FRMD4B: variants seen among roughly 807,000 people sequenced by gnomAD.
The protein encoded by FRMD4B is FERM domain-containing protein 4B.
A neutral mutation model predicts 141.5 loss-of-function variants in FRMD4B; 74 were observed. That is an observed-to-expected ratio of 0.52 (90% CI 0.43 to 0.63). The LOEUF (loss-of-function observed/expected upper bound fraction) is 0.63, where lower values mean the gene tolerates loss of function less well. Among genes scored for constraint, FRMD4B ranks in the 30% least tolerant of loss-of-function variants. The pLI, the probability that FRMD4B is intolerant of heterozygous loss-of-function variation, is 0.00. For missense variants in FRMD4B, 1,366 were observed against 1,253.4 expected (o/e 1.09, Z -1.36); for synonymous variants, 506 against 467.9 (o/e 1.08, Z -1.05).
At chr3:69,373,982 A>C (rs992677868) in intron 1 of FRMD4B, among the ~76,000 whole-genome samples, 3 of 152,210 alleles carry the variant, frequency 2.0e-5, no homozygotes, top group Non-Finnish European at 4.4e-5. Flanking sequence ...GTAGGTAGGC[A>C]CTATTATTTC....
At chr3:69,330,685 C>A (rs1420821548) in intron 1 of FRMD4B, among the ~76,000 whole-genome samples, 6 of 151,416 alleles carry the variant, frequency 4.0e-5, no homozygotes, top group Non-Finnish European at 8.8e-5. Context: ...ATAATAGAGA[C>A]AGGGTCTCAC....
At position 69,458,130 on chromosome 3, in the gene FRMD4B, A is replaced by T. The variant is rs1352253823; in HGVS notation, c.-128-25369T>A. On this transcript the variant is annotated intron_variant, in intron 1 of 5. Transcript: ENST00000459638. ...TCTGCTTTGGAGGAACTCACACTAA[A>T]AGAGTTTGTAAGCAAATGGCAAATT... Among the ~76,000 whole-genome samples, 14 of 152,312 alleles carry T rather than the reference A, an allele frequency of 9.2e-5. 1 individual carries two copies. The South Asian group carries it at 2.9e-3, about 32-fold the overall frequency.
At chr3:69,262,976 A>G (rs1483777824) in intron 5 of FRMD4B, among the ~76,000 whole-genome samples, 1 of 152,008 alleles carries the variant, frequency 6.6e-6, no homozygotes, top group Non-Finnish European at 1.5e-5. Context: ...AAGCAATTGT[A>G]GGCTGGGCAC....
At chr3:69,314,677 A>C in intron 1 of FRMD4B, among the ~76,000 whole-genome samples, 1 of 151,978 alleles carries the variant, frequency 6.6e-6, no homozygotes, top group East Asian at 1.9e-4. Context: ...TCTACAAAAA[A>C]TACAAAAATT....
intron 1 of FRMD4B, among the ~76,000 whole-genome samples, chr3:69,368,179 G>A (rs1043337998): frequency 3.9e-5 from 6 of 152,080 alleles, no homozygotes; most frequent in South Asian, 2.1e-4. Context: ...ACAACATCAC[G>A]AGATATCATG....
intron 1 of FRMD4B, among the ~76,000 whole-genome samples, chr3:69,503,460 T>C (rs1706536507): frequency 7.0e-6 from 1 of 142,176 alleles, no homozygotes; most frequent in African/African-American, 2.7e-5. Context: ...CTGCATGTTC[T>C]CACTGATAGG....
intron 5 of FRMD4B, among the ~76,000 whole-genome samples, chr3:69,264,805 G>C (rs1190532344): frequency 1.3e-5 from 2 of 152,146 alleles, no homozygotes; most frequent in African/African-American, 4.8e-5. Context: ...ATTTTTGTGG[G>C]TGTGTATCAC....
intron 7 of FRMD4B, among the ~76,000 whole-genome samples, chr3:69,233,279 C>G (rs1349966413): frequency 6.6e-6 from 1 of 151,838 alleles, no homozygotes; most frequent in Admixed American, 6.6e-5. Context: ...CCCAGGAGTT[C>G]GAGACCAGCC....
At position 69,296,569 on chromosome 3, in the gene FRMD4B, C is replaced by T. The variant is rs1215080404; in HGVS notation, c.416+5774G>A. Reference sequence around the variant, plus strand: ...ATTACCCATGGTCTGGGGTATTGTGCATTCAGATGCGAGTGTGACAGATGG... The same window carrying T: ...ATTACCCATGGTCTGGGGTATTGTGTATTCAGATGCGAGTGTGACAGATGG... On this transcript the variant is annotated intron_variant, in intron 4 of 22. Transcript: ENST00000398540. Among the ~76,000 whole-genome samples the T allele has an allele frequency of 3.9e-5, 6 of 152,130 alleles. No homozygotes were observed. In the East Asian group the frequency reaches 9.6e-4, roughly 24 times the overall value.
chr3:69,445,652 T>C (rs945456200), intron 1 of FRMD4B, among the ~76,000 whole-genome samples: 1 of 152,150 alleles, frequency 6.6e-6, no homozygotes, highest in Non-Finnish European at 1.5e-5. Flanking sequence ...TTTCCCACCT[T>C]ACTGGGTCAA....
At chr3:69,409,748 G>A (rs4401365) in intron 2 of FRMD4B, among the ~76,000 whole-genome samples, 1 of 151,736 alleles carries the variant, frequency 6.6e-6, no homozygotes, top group Non-Finnish European at 1.5e-5. Context: ...TCTCTTCTCT[G>A]CATATAGAAA....
chr3:69,269,646 T>TTTTG (rs1186595137), intron 5 of FRMD4B, among the ~76,000 whole-genome samples: 1 of 152,236 alleles, frequency 6.6e-6, no homozygotes, highest in Non-Finnish European at 1.5e-5. Flanking sequence ...CTGTATTCTT[T>TTTTG]TTTGTTTGTT....
chr3:69,208,061 TTTTTA>T (rs1227969399), intron 11 of FRMD4B, among the ~76,000 whole-genome samples: 26 of 151,320 alleles, frequency 1.7e-4, no homozygotes, highest in African/African-American at 6.3e-4. Context: ...TGTATTTTTA[TTTTTA>T]TTTTATTTAT....
intron 1 of FRMD4B, among the ~76,000 whole-genome samples, chr3:69,462,552 G>T (rs574331285): frequency 9.2e-5 from 14 of 152,340 alleles, no homozygotes; most frequent in African/African-American, 3.4e-4. Flanking sequence ...CTTGCCCAAA[G>T]CTACATAATT....
intron 1 of FRMD4B, among the ~76,000 whole-genome samples, chr3:69,344,555 A>C (rs895768855): frequency 1.4e-4 from 22 of 152,212 alleles, no homozygotes; most frequent in African/African-American, 5.3e-4. Flanking sequence ...CTGAATATGA[A>C]AAATTAGCTT....
At chr3:69,173,406 C>G (rs573751485) in intron 22 of FRMD4B, among the ~76,000 whole-genome samples, 1 of 152,230 alleles carries the variant, frequency 6.6e-6, no homozygotes, top group African/African-American at 2.4e-5. Context: ...ATAATATACA[C>G]TTTATTTAAA....
intron 2 of FRMD4B, among the ~76,000 whole-genome samples, chr3:69,425,103 G>C (rs1029628641): frequency 6.6e-6 from 1 of 152,018 alleles, no homozygotes; most frequent in Non-Finnish European, 1.5e-5. Context: ...TCTCTTCCAT[G>C]GTTTTTCATG....
At chr3:69,423,743 A>T (rs1339303863) in intron 2 of FRMD4B, among the ~76,000 whole-genome samples, 2 of 152,106 alleles carry the variant, frequency 1.3e-5, no homozygotes, top group African/African-American at 2.4e-5. Context: ...CCCTTCTACC[A>T]AGTGAAGACA....
intron 1 of FRMD4B, among the ~76,000 whole-genome samples, chr3:69,372,933 T>C (rs1290623226): frequency 6.6e-6 from 1 of 152,182 alleles, no homozygotes; most frequent in South Asian, 2.1e-4. Context: ...ATACACGTAA[T>C]GGGTAGCAAA....
Sources: allele counts gnomAD v4.1 joint callset (sites outside exome capture counted in the v4.1 genomes callset), GRCh38; gene constraint gnomAD v4.1.1; transcripts MANE v1.5; gene names NCBI Gene and HGNC (gene_info 2026-07-23, HGNC 2026-07-21).